ZNF273: variants seen among roughly 807,000 people sequenced by gnomAD.
ZNF273 encodes zinc finger protein 9.
Under a neutral mutation model 14.9 loss-of-function variants are expected in ZNF273, and 11 were observed. The observed-to-expected ratio is 0.74, with a 90% confidence interval of 0.46 to 1.22. The LOEUF is 1.22. ZNF273 is among the 50% of genes most tolerant of loss of function. The probability of loss-of-function intolerance (pLI) is 0.00; values close to 1 mark genes in which losing one functional copy is unlikely to be tolerated. For missense variants in ZNF273, 577 were observed against 660.6 expected (o/e 0.87, Z 1.39); for synonymous variants, 199 against 223.9 (o/e 0.89, Z 0.99).
downstream of ZNF273, chr7:64,893,305 G>A (rs1478534112): frequency 3.9e-5 from 6 of 151,980 alleles, no homozygotes; most frequent in Admixed American, 2.0e-4. Context: ...TTTTGAGCAC[G>A]CATTGCATAC....
Position 64,928,299 on chromosome 7 carries a change from G to A in ZNF273, c.971G>A (p.Gly324Asp), listed in dbSNP as rs772558267. 1 of 1,612,926 alleles carries A rather than the reference G, an allele frequency of 6.2e-7. No homozygotes were observed. Residue 324 changes from glycine (G) to aspartate (D), a missense_variant, in exon 4 of 4, where the codon GGC (glycine) becomes GAC (aspartate). Transcript: ENST00000476120. ...GTKPYNCEEC[G>D]KGFSIFSTLT... The stretch of plus-strand genomic sequence containing the variant: ...AAACCCTACAATTGTGAAGAATGTG[G>A]CAAAGGCTTTAGTATATTCTCAACC...
chr7:64,913,155 C>T (rs760046979), intron 1 of ZNF273, among the ~76,000 whole-genome samples: 4 of 152,114 alleles, frequency 2.6e-5, no homozygotes, highest in Non-Finnish European at 5.9e-5. Context: ...TCTATTCTTG[C>T]AGATCCAGTG....
chr7:64,892,197 C>CA (rs908686233), downstream of ZNF273, among the ~76,000 whole-genome samples: 29 of 151,426 alleles, frequency 1.9e-4, no homozygotes, highest in Admixed American at 4.6e-4. Flanking sequence ...CTTTCATAGA[C>CA]AAAAAAAACA....
At chr7:64,913,336 G>A (rs1793706851) in intron 1 of ZNF273, among the ~76,000 whole-genome samples, 2 of 152,176 alleles carry the variant, frequency 1.3e-5, no homozygotes, top group South Asian at 4.1e-4. Context: ...AAAATGCTGG[G>A]CCCTTCATTT....
chr7:64,879,778 G>A (rs138444217), downstream of ZNF273: 1,326 of 152,282 alleles, frequency 8.7e-3, 10 homozygotes, highest in Middle Eastern at 0.017. Flanking sequence ...AGCCTTTTTC[G>A]GGAATGGAAT....
chr7:64,897,086 G>A (rs1792410968), intron 3 of ZNF273, among the ~76,000 whole-genome samples: 1 of 152,130 alleles, frequency 6.6e-6, no homozygotes, highest in African/African-American at 2.4e-5. Flanking sequence ...ATGATTGCCT[G>A]GGGCTGGGGG....
Position 64,918,249 on chromosome 7 carries a change from G to T in ZNF273, c.282G>T (p.Glu94Asp). 1.3e-6 allele frequency: 2 copies of T among 1,571,682 alleles called. No homozygotes were observed. The highest frequency in any genetic ancestry group is 1.7e-6 in the Non-Finnish European group (2 of 1,155,306). The part of the protein sequence containing the change: ...DLITCLEQGK[E>D]PCNMKRHAMV... Reference sequence around the variant, plus strand: ...TCACTTGTCTGGAGCAAGGAAAAGAGCCCTGCAATATGAAGAGACATGCGA... The same window carrying T: ...TCACTTGTCTGGAGCAAGGAAAAGATCCCTGCAATATGAAGAGACATGCGA... The change falls in exon 3 of 4, where the codon GAG (glutamate) becomes GAT (aspartate). Residue 94 changes from glutamate to aspartate, a missense_variant. Glu to Asp is a conservative substitution (Grantham distance 45). Coordinates refer to ENST00000476120, the MANE Select transcript of ZNF273 (RefSeq NM_021148.3).
chr7:64,903,042 C>T (rs982509180), upstream of ZNF273, among the ~76,000 whole-genome samples: 2 of 152,152 alleles, frequency 1.3e-5, no homozygotes, highest in Non-Finnish European at 2.9e-5. Flanking sequence ...TGCAAATACC[C>T]CGTGGGTGGG....
chr7:64,889,877 C>T (rs988390027), downstream of ZNF273: 144 of 576,398 alleles, frequency 2.5e-4, no homozygotes, highest in South Asian at 1.1e-3. The surrounding 1 kb of genome is among the most constrained non-coding windows in gnomAD (Gnocchi z 4.2). Context: ...ATGTCGGCTT[C>T]TTTTGCTGGC....
intron 3 of ZNF273, among the ~76,000 whole-genome samples, chr7:64,926,840 T>C (rs960844235): frequency 6.6e-6 from 1 of 152,240 alleles, no homozygotes. Flanking sequence ...AGTTTGTTCA[T>C]GTTTCTTCTT....
downstream of ZNF273, among the ~76,000 whole-genome samples, chr7:64,931,595 T>C (rs886250771): frequency 6.6e-6 from 1 of 152,188 alleles, no homozygotes; most frequent in African/African-American, 2.4e-5. Flanking sequence ...TAAGCCGACT[T>C]TTTTAAAGTT....
chr7:64,894,569 A>G (rs1316967745), downstream of ZNF273, among the ~76,000 whole-genome samples: 1 of 149,604 alleles, frequency 6.7e-6, no homozygotes, highest in African/African-American at 2.5e-5. Context: ...ATTTAGGCTT[A>G]TTTTATAAAA....
At chr7:64,925,138 T>C (rs572631247) in intron 3 of ZNF273, among the ~76,000 whole-genome samples, 1 of 152,200 alleles carries the variant, frequency 6.6e-6, no homozygotes, top group East Asian at 1.9e-4. Flanking sequence ...CTTTATTAAA[T>C]GTATGTCTCT....
chr7:64,923,467 G>A (rs998339491), intron 3 of ZNF273: 17 of 428,094 alleles, frequency 4.0e-5, no homozygotes, highest in African/African-American at 2.5e-4. Flanking sequence ...TCAGCCTCCC[G>A]AGTAGCTGGG....
chr7:64,918,974 T>G (rs1236131103), intron 3 of ZNF273, among the ~76,000 whole-genome samples: 6 of 152,168 alleles, frequency 3.9e-5, no homozygotes, highest in Non-Finnish European at 7.3e-5. Flanking sequence ...CATGTTCTCT[T>G]TTTGCATCAC....
chr7:64,928,606 A>G lies in ZNF273; in HGVS notation c.1278A>G (p.Lys426=). 6.2e-7 allele frequency: 1 copy of G among 1,613,442 alleles called. No homozygotes were observed. Among genetic ancestry groups the G allele is most frequent in the South Asian group, 1.1e-5 (1 of 90,984 alleles). The change falls in exon 4 of 4, where the codon AAA becomes AAG. Residue 426 remains lysine (K), a synonymous_variant. Coordinates refer to ENST00000476120, the MANE Select transcript of ZNF273 (RefSeq NM_021148.3). ...TLTKHKRIYT[K]EKPYKCEECG... The stretch of plus-strand genomic sequence containing the variant: ...CTAAACATAAGAGAATTTATACTAA[A>G]GAGAAACCATACAAATGTGAAGAAT...
intron 1 of ZNF273, among the ~76,000 whole-genome samples, chr7:64,885,255 C>T (rs1791509935): frequency 6.6e-6 from 1 of 152,242 alleles, no homozygotes; most frequent in African/African-American, 2.4e-5. Flanking sequence ...CTCCCCAAGC[C>T]CTCTCTGTGG....
chr7:64,903,281 C>T lies in ZNF273; in HGVS notation c.-37C>T, dbSNP rs373601082. ...GATTTGGCGGGGCCTTTGTCTCTCG[C>T]TGCAGTCGCAGCTCCAGGTCTCGTC... On this transcript the variant is annotated 5_prime_UTR_variant, in exon 1 of 4. Transcript: ENST00000476120. The T allele has an allele frequency of 1.3e-6, 2 of 1,547,278 alleles. No homozygotes were observed. The highest frequency in any genetic ancestry group is 2.3e-5 in the East Asian group (1 of 44,108).
downstream of ZNF273, among the ~76,000 whole-genome samples, chr7:64,884,418 C>T (rs1191730457): frequency 1.3e-5 from 2 of 152,150 alleles, no homozygotes; most frequent in Admixed American, 1.3e-4. Flanking sequence ...CCTGGGCACC[C>T]GTTTCAGTCT....
Sources: allele counts gnomAD v4.1 joint callset (sites outside exome capture counted in the v4.1 genomes callset), GRCh38; gene constraint gnomAD v4.1.1; non-coding constraint Gnocchi (gnomAD v3.1); transcripts MANE v1.5; gene names NCBI Gene and HGNC (gene_info 2026-07-23, HGNC 2026-07-21).